CDKL1: variants seen among roughly 807,000 people sequenced by gnomAD.
CDKL1 encodes the protein cyclin-dependent kinase-like 1.
In CDKL1, 41 loss-of-function variants were observed where a neutral mutation model predicts 42.0. The observed-to-expected ratio is 0.98, with a 90% CI of 0.76 to 1.27. The LOEUF is 1.27. Ranked by LOEUF, CDKL1 falls within the 50% of genes most tolerant of loss-of-function variation. The pLI is 0.00. For synonymous variants in CDKL1, 153 were observed against 158.6 expected, an observed-to-expected ratio of 0.96 and a Z score of 0.26; for missense variants, 394 against 428.4, an observed-to-expected ratio of 0.92 and a Z score of 0.71.
At chr14:50,349,830 G>A (rs900557566) in intron 3 of CDKL1, among the ~76,000 whole-genome samples, 2 of 152,058 alleles carry the variant, frequency 1.3e-5, no homozygotes, top group Non-Finnish European at 2.9e-5. Flanking sequence ...GTGCAGTGGT[G>A]CTATCTTGGC....
intron 3 of CDKL1, among the ~76,000 whole-genome samples, chr14:50,348,741 C>A (rs1038356671): frequency 6.6e-6 from 1 of 151,968 alleles, no homozygotes; most frequent in Admixed American, 6.5e-5. Context: ...CTATATGATG[C>A]CCAAGAAAAG....
chr14:50,382,630 T>A (rs1412893519), intron 2 of CDKL1, among the ~76,000 whole-genome samples: 1 of 142,440 alleles, frequency 7.0e-6, no homozygotes, highest in Non-Finnish European at 1.5e-5. Context: ...GGTCTCACTC[T>A]GTCACCCAGG....
rs554640387 is a variant in CDKL1 at position 50,344,183 on chromosome 14, G to A, written c.363+803C>T. On this transcript the variant is annotated intron_variant, in intron 4 of 9. Coordinates refer to ENST00000395834, the MANE Select transcript of CDKL1 (RefSeq NM_004196.7). ...ATAGTCTACTATGCCTCTACCAGCC[G>A]CCTGTGGCCAGGAGTGTCACAGGCT... Among the ~76,000 whole-genome samples the A allele has an allele frequency of 5.9e-5, 9 of 152,302 alleles. No individual in the cohort carries two copies. In the South Asian group the frequency reaches 1.0e-3, roughly 18 times the overall value.
chr14:50,361,975 C>T (rs957705385), intron 2 of CDKL1, among the ~76,000 whole-genome samples: 3 of 152,218 alleles, frequency 2.0e-5, no homozygotes, highest in East Asian at 1.9e-4. Context: ...AGGCGGGAAC[C>T]GGCGAGTTCC....
At chr14:50,343,348 G>T (rs2033619873) in intron 4 of CDKL1, among the ~76,000 whole-genome samples, 1 of 151,938 alleles carries the variant, frequency 6.6e-6, no homozygotes, top group African/African-American at 2.4e-5. Flanking sequence ...TTCTTCTTGG[G>T]CATGACCAGT....
intron 7 of CDKL1, among the ~76,000 whole-genome samples, chr14:50,336,863 TA>T (rs35078048): frequency 1.6e-4 from 23 of 148,330 alleles, no homozygotes; most frequent in Admixed American, 2.0e-4. Context: ...TTCACAAATG[TA>T]AAAAAAAAAA....
At chr14:50,395,458 T>TAACATAACATGACTCACTTTATTTCTTTC (rs2035370376) in intron 2 of CDKL1, among the ~76,000 whole-genome samples, 1 of 152,254 alleles carries the variant, frequency 6.6e-6, no homozygotes, top group Admixed American at 6.5e-5. Context: ...GACATTCTTT[T>TAACATAACATGACTCACTTTATTTCTTTC]AACATAACAT....
In CDKL1 at chr14:50,345,017, A is replaced by G. The variant is rs752278496; in HGVS notation, c.332T>C (p.Leu111Pro). 4 of 1,613,832 alleles carry G rather than the reference A, an allele frequency of 2.5e-6. No individual in the cohort carries two copies. Among genetic ancestry groups the G allele is most frequent in the Admixed American group, 1.7e-5 (1 of 60,006 alleles). The change falls in exon 4 of 10, where the codon CTG becomes CCG. Residue 111 changes from leucine (L) to proline (P), a missense_variant. Transcript: ENST00000395834. ...HLVKSITWQT[L>P]QAVNFCHKHN... ...TTTATGGCAAAAATTTACAGCTTGC[A>G]GTGTCTGCCAAGTTATGCTCTTCAC...
chr14:50,375,369 A>T (rs1344481375), intron 2 of CDKL1, among the ~76,000 whole-genome samples: 1 of 152,278 alleles, frequency 6.6e-6, no homozygotes, highest in Non-Finnish European at 1.5e-5. Context: ...GAGAATTCCA[A>T]ATAATTTATG....
intron 2 of CDKL1, chr14:50,377,749 G>C: frequency 8.1e-7 from 1 of 1,234,830 alleles, no homozygotes; most frequent in Admixed American, 2.9e-5. Context: ...CACATGAGTG[G>C]TATGCGGCAA....
chr14:50,349,792 G>A (rs10138791), intron 3 of CDKL1, among the ~76,000 whole-genome samples: 61,123 of 151,694 alleles, frequency 0.4, 12,682 homozygotes, highest in East Asian at 0.63. Flanking sequence ...TTTTTGAGAC[G>A]TTGTCTCCCT....
intron 5 of CDKL1, among the ~76,000 whole-genome samples, chr14:50,341,744 G>C (rs1251605365): frequency 6.7e-6 from 1 of 148,786 alleles, no homozygotes; most frequent in African/African-American, 2.5e-5. Context: ...CTGTGCCACT[G>C]CACTCCAGCC....
At chr14:50,394,889 C>T (rs572297580) in intron 2 of CDKL1, among the ~76,000 whole-genome samples, 1 of 152,238 alleles carries the variant, frequency 6.6e-6, no homozygotes, top group Admixed American at 6.5e-5. Flanking sequence ...GTAATCCCAC[C>T]ACTTTAGGAG....
intron 2 of CDKL1, among the ~76,000 whole-genome samples, chr14:50,368,931 A>G (rs1162097424): frequency 1.3e-5 from 2 of 149,016 alleles, no homozygotes; most frequent in African/African-American, 5.0e-5. Flanking sequence ...CAGTGGCACA[A>G]TCTCGGCTCA....
At chr14:50,335,805 A>G (rs1458449426) in intron 7 of CDKL1, 1 of 985,210 alleles carries the variant, frequency 1.0e-6, no homozygotes, top group African/African-American at 1.7e-5. Context: ...ACAGTACAGT[A>G]TTATTTTGGA....
intron 9 of CDKL1, chr14:50,331,911 A>G (rs1595242183): frequency 1.1e-6 from 1 of 919,342 alleles, no homozygotes; most frequent in Non-Finnish European, 1.6e-6. Context: ...AAAAGTGTAC[A>G]TGATGACACA....
intron 9 of CDKL1, chr14:50,331,483 C>G (rs117327330): frequency 6.5e-6 from 1 of 153,910 alleles, no homozygotes; most frequent in African/African-American, 2.4e-5. Flanking sequence ...CCTCATGGAC[C>G]TTTTTCACCC....
upstream of CDKL1, chr14:50,397,037 G>A (rs774216930): frequency 1.6e-6 from 2 of 1,284,474 alleles, no homozygotes; most frequent in African/African-American, 1.5e-5. Context: ...GCCGCCCTCC[G>A]TCCATGGGAG....
intron 7 of CDKL1, among the ~76,000 whole-genome samples, chr14:50,336,958 A>G (rs560958868): frequency 6.6e-6 from 1 of 151,656 alleles, no homozygotes; most frequent in South Asian, 2.1e-4. Context: ...TGCATATTAC[A>G]TTTTTATTAA....
Sources: allele counts gnomAD v4.1 joint callset (sites outside exome capture counted in the v4.1 genomes callset), GRCh38; gene constraint gnomAD v4.1.1; transcripts MANE v1.5; gene names NCBI Gene and HGNC (gene_info 2026-07-23, HGNC 2026-07-21).